The following PIGL variants were observed in gnomAD, a reference collection of about 807,000 sequenced individuals.
PIGL encodes the protein N-acetylglucosaminyl-phosphatidylinositol de-N-acetylase.
A neutral mutation model predicts 31.1 loss-of-function variants in PIGL; 22 were observed. That is an observed-to-expected ratio of 0.71 (90% CI 0.51 to 1.01). The LOEUF is 1.01. Ranked by LOEUF, PIGL falls within the 50% of genes least tolerant of loss-of-function variation. PIGL has a pLI of 0.00. For missense variants in PIGL, 302 were observed against 315.9 expected (o/e 0.96, Z 0.33); for synonymous variants, 131 against 117.4 (o/e 1.12, Z -0.75).
At chr17:16,268,769 A>G (rs73287414) in intron 2 of PIGL, among the ~76,000 whole-genome samples, 7,379 of 148,380 alleles carry the variant, frequency 0.05, 613 homozygotes, top group African/African-American at 0.17. Context: ...TGTTCTTGTT[A>G]TTTGTTTTTT....
chr17:16,253,312 A>C (rs1468516430), intron 2 of PIGL, among the ~76,000 whole-genome samples: 1 of 152,086 alleles, frequency 6.6e-6, no homozygotes, highest in Non-Finnish European at 1.5e-5. Context: ...GATCCCTCCA[A>C]TTAAAACCCA....
At chr17:16,320,115 GA>G (rs1433497869) in intron 6 of PIGL, among the ~76,000 whole-genome samples, 1 of 147,484 alleles carries the variant, frequency 6.8e-6, no homozygotes, top group African/African-American at 2.6e-5. Flanking sequence ...GCTTTATTAG[GA>G]AAAAGGGAAG....
intron 3 of PIGL, among the ~76,000 whole-genome samples, chr17:16,308,002 A>C (rs1483169738): frequency 1.3e-5 from 2 of 150,770 alleles, no homozygotes; most frequent in Admixed American, 6.6e-5. Flanking sequence ...GTGGCTCACT[A>C]TTTTTAAAAA....
chr17:16,279,083 C>T (rs1035237842), intron 2 of PIGL, among the ~76,000 whole-genome samples: 2 of 152,152 alleles, frequency 1.3e-5, no homozygotes, highest in East Asian at 3.8e-4. Flanking sequence ...CCAAAGTTGG[C>T]CAATTGGTGC....
intron 1 of PIGL, among the ~76,000 whole-genome samples, chr17:16,226,449 C>T (rs2092652657): frequency 6.6e-6 from 1 of 152,130 alleles, no homozygotes; most frequent in Non-Finnish European, 1.5e-5. Flanking sequence ...TAGGGATAAC[C>T]ATATTTCCTT....
chr17:16,217,575 C>G, intron 1 of PIGL, 114 bp downstream of exon 1: 1 of 820,560 alleles, frequency 1.2e-6, no homozygotes. Flanking sequence ...AGTGAATACA[C>G]CGAAGGTCTT....
intron 2 of PIGL, among the ~76,000 whole-genome samples, chr17:16,259,864 T>A (rs539358792): frequency 4.6e-5 from 7 of 152,184 alleles, no homozygotes; most frequent in Non-Finnish European, 8.8e-5. Context: ...GCTGTAGCTG[T>A]GGACCCAGGC....
intron 4 of PIGL, among the ~76,000 whole-genome samples, chr17:16,316,027 T>C (rs2142869106): frequency 6.6e-6 from 1 of 152,248 alleles, no homozygotes; most frequent in Middle Eastern, 3.4e-3. Flanking sequence ...TCTCAGGCTC[T>C]GCCAGGCAGT....
chr17:16,265,049 T>TA (rs1369487105), intron 2 of PIGL, among the ~76,000 whole-genome samples: 2 of 152,156 alleles, frequency 1.3e-5, no homozygotes, highest in Non-Finnish European at 1.5e-5. Flanking sequence ...TCTAAGAGGG[T>TA]AAAGGCCTTT....
intron 1 of PIGL, among the ~76,000 whole-genome samples, chr17:16,232,934 A>G (rs1273184962): frequency 1.3e-5 from 2 of 152,116 alleles, no homozygotes; most frequent in Non-Finnish European, 2.9e-5. Context: ...CCTGTCCAAC[A>G]TGGTGAAACC....
chr17:16,253,836 A>T (rs2092782443), intron 2 of PIGL, among the ~76,000 whole-genome samples: 1 of 152,076 alleles, frequency 6.6e-6, no homozygotes, highest in Admixed American at 6.6e-5. Flanking sequence ...CTAGGAACTT[A>T]GGAGGCTGAG....
chr17:16,256,713 G>A (rs1242587425), intron 2 of PIGL, among the ~76,000 whole-genome samples: 1 of 151,430 alleles, frequency 6.6e-6, no homozygotes, highest in Non-Finnish European at 1.5e-5. Context: ...TTGTTTGTTT[G>A]TTTTTGAGAC....
At chr17:16,316,631 C>T (rs1460867700) in intron 4 of PIGL, 50 bp from the exon 5 acceptor site, 6 of 1,545,418 alleles carry the variant, frequency 3.9e-6, no homozygotes, top group East Asian at 2.3e-5. Flanking sequence ...CTGTTACCTA[C>T]AAAGGAAATG....
At chr17:16,246,880 G>A (rs995571246) in intron 2 of PIGL, among the ~76,000 whole-genome samples, 29 of 149,880 alleles carry the variant, frequency 1.9e-4, no homozygotes, top group South Asian at 2.1e-4. Context: ...TAGTAGAGAC[G>A]GGGTTTCACC....
chr17:16,299,590 T>C (rs574646782), intron 2 of PIGL, among the ~76,000 whole-genome samples: 141 of 152,352 alleles, frequency 9.3e-4, no homozygotes, highest in South Asian at 2.1e-3. Context: ...TGTGCTCAAG[T>C]TCATTTTTAA....
At chr17:16,279,204 G>A (rs956236633) in intron 2 of PIGL, among the ~76,000 whole-genome samples, 1 of 152,216 alleles carries the variant, frequency 6.6e-6, no homozygotes, top group Admixed American at 6.5e-5. Context: ...GGGAGTTCTT[G>A]GATCTTGCCC....
At chr17:16,258,303 C>T (rs2142743689) in intron 2 of PIGL, among the ~76,000 whole-genome samples, 1 of 149,208 alleles carries the variant, frequency 6.7e-6, no homozygotes, top group East Asian at 2.0e-4. Flanking sequence ...CCTCTGCCTC[C>T]CAAGTAGCTG....
intron 6 of PIGL, among the ~76,000 whole-genome samples, chr17:16,324,604 C>T (rs1285788884): frequency 6.6e-6 from 1 of 152,126 alleles, no homozygotes; most frequent in Non-Finnish European, 1.5e-5. Flanking sequence ...GGTGATCCAC[C>T]CACCTCAGCC....
At chr17:16,246,778 C>T (rs1022764008) in intron 2 of PIGL, among the ~76,000 whole-genome samples, 5 of 146,254 alleles carry the variant, frequency 3.4e-5, no homozygotes, top group Non-Finnish European at 3.0e-5. Context: ...CTCTGCTTCC[C>T]GGGTTCACGC....
Sources: gnomAD v4.1 joint callset for allele counts (sites outside exome capture counted in the v4.1 genomes callset) on GRCh38, gnomAD v4.1.1 for gene constraint, MANE v1.5 for transcripts, NCBI Gene and HGNC (gene_info 2026-07-23, HGNC 2026-07-21) for gene names.